Variants in ZBTB7C observed in about 807,000 individuals in gnomAD.
ZBTB7C encodes zinc finger and BTB domain-containing protein 7C.
Under a neutral mutation model 25.7 loss-of-function variants are expected in ZBTB7C, and 8 were observed. The observed-to-expected ratio is 0.31, with a 90% CI of 0.18 to 0.56. The LOEUF is 0.56. ZBTB7C is among the 20% of genes least tolerant of loss of function. The pLI is 0.91. For missense variants in ZBTB7C, 824 were observed against 855.2 expected (o/e 0.96, Z 0.46); for synonymous variants, 394 against 369.0 (o/e 1.07, Z -0.78).
In ZBTB7C at chr18:48,130,096, C is replaced by T. The variant is rs985719018; in HGVS notation, c.-17+55838G>A. Among the ~76,000 whole-genome samples, 3 of 152,242 alleles carry T rather than the reference C, an allele frequency of 2.0e-5. No homozygotes were observed. The East Asian group carries it at 5.8e-4, about 30-fold the overall frequency. ...AGGGTTAGGGGTGGAGTCGCCTTAC[C>T]TACGTGCTGTGAATGCAGGCCTCTC... On this transcript the variant is annotated intron_variant, in intron 3 of 4. Coordinates refer to ENST00000590800, the MANE Select transcript of ZBTB7C (RefSeq NM_001318841.2).
rs891814939 is a variant in ZBTB7C, at chr18:48,092,734, C to T, written c.-16-51611G>A. Among the ~76,000 whole-genome samples, 28 of 152,226 alleles carry T rather than the reference C, an allele frequency of 1.8e-4. 1 individual carries two copies. Among genetic ancestry groups the T allele is most frequent in the Non-Finnish European group, 1.5e-5 (1 of 68,050 alleles). ...TATGCAGATGAAAGGCCTTGACCCA[C>T]CTCGAAAGACTGGTGGAGAAGTGTA... On this transcript the variant is annotated intron_variant, in intron 3 of 4. Transcript: ENST00000590800.
chr18:48,061,573 T>C (rs1192893527), intron 3 of ZBTB7C, among the ~76,000 whole-genome samples: 1 of 152,220 alleles, frequency 6.6e-6, no homozygotes, highest in Non-Finnish European at 1.5e-5. Flanking sequence ...CATATATGTA[T>C]GGCCAGCTTT....
intron 4 of ZBTB7C, 101 bp from the exon 5 acceptor site, chr18:48,030,012 G>A: frequency 6.7e-7 from 1 of 1,500,660 alleles, no homozygotes; most frequent in Non-Finnish European, 9.0e-7. Context: ...GCTCCCTACT[G>A]CCATGGAGTC....
intron 3 of ZBTB7C, among the ~76,000 whole-genome samples, chr18:48,110,687 G>A (rs1490573537): frequency 2.0e-5 from 3 of 152,080 alleles, no homozygotes; most frequent in Non-Finnish European, 2.9e-5. Flanking sequence ...GCTACATCTC[G>A]CCAAGCAGCC....
rs2045565683 is a variant in ZBTB7C, at chr18:48,302,366, C to T, written c.-79+35808G>A. On this transcript the variant is annotated intron_variant, in intron 2 of 4. Coordinates refer to ENST00000590800, the MANE Select transcript of ZBTB7C (RefSeq NM_001318841.2). The stretch of plus-strand genomic sequence containing the variant: ...CACTAACTCAATCCCAGCCTTCAAG[C>T]GAGTCCACCTTCTCTCCCTTTTTAC... Among the ~76,000 whole-genome samples, 4 of 152,182 alleles carry T rather than the reference C, an allele frequency of 2.6e-5. No individual in the cohort carries two copies. The South Asian group carries it at 8.3e-4, about 32-fold the overall frequency.
At chr18:48,122,528 C>T (rs1048203815) in intron 3 of ZBTB7C, among the ~76,000 whole-genome samples, 2 of 152,112 alleles carry the variant, frequency 1.3e-5, no homozygotes, top group African/African-American at 4.8e-5. Flanking sequence ...TTCATGGTGC[C>T]AGATGGTTGC....
At chr18:48,282,705 T>C (rs1210635024) in intron 2 of ZBTB7C, among the ~76,000 whole-genome samples, 1 of 152,110 alleles carries the variant, frequency 6.6e-6, no homozygotes. Context: ...CATAGCAAAA[T>C]GAATGAATTC....
intron 2 of ZBTB7C, among the ~76,000 whole-genome samples, chr18:48,253,900 C>T (rs919181551): frequency 6.6e-6 from 1 of 152,110 alleles, no homozygotes; most frequent in Non-Finnish European, 1.5e-5. Context: ...AGATACTGAC[C>T]ACATGCATCC....
chr18:48,040,481 G>C lies in ZBTB7C; in HGVS notation c.627C>G (p.Asp209Glu). The change falls in exon 4 of 5, where the codon GAC becomes GAG. Residue 209 changes from aspartate to glutamate, a missense_variant. By Grantham distance (45) the Asp-to-Glu change is conservative. Coordinates refer to ENST00000590800, the MANE Select transcript of ZBTB7C (RefSeq NM_001318841.2). ...AYSDTPRDFP[D>E]SFQAGSPGHL... is the part of the protein sequence containing the mutation. ...GGCCAGGACTGCCAGCCTGGAAGGAGTCAGGGAAGTCCCTGGGGGTGTCTG... is the reference window on the plus strand; with the variant it reads ...GGCCAGGACTGCCAGCCTGGAAGGACTCAGGGAAGTCCCTGGGGGTGTCTG... 2.5e-6 allele frequency: 4 copies of C among 1,611,118 alleles called. No individual in the cohort carries two copies. Among genetic ancestry groups the C allele is most frequent in the Non-Finnish European group, 3.4e-6 (4 of 1,178,340 alleles).
At chr18:48,136,072 C>T (rs1002298328) in intron 3 of ZBTB7C, among the ~76,000 whole-genome samples, 1 of 151,952 alleles carries the variant, frequency 6.6e-6, no homozygotes, top group Non-Finnish European at 1.5e-5. Context: ...ATGCTCCGCG[C>T]GGGGTGGGCG....
chr18:48,382,991 T>G (rs2047666771), intron 1 of ZBTB7C, among the ~76,000 whole-genome samples: 1 of 152,166 alleles, frequency 6.6e-6, no homozygotes, highest in Admixed American at 6.5e-5. Flanking sequence ...AAATTTGGCG[T>G]GATATTTTCT....
At chr18:48,035,140 T>G (rs1011571824) in intron 4 of ZBTB7C, among the ~76,000 whole-genome samples, 1 of 152,028 alleles carries the variant, frequency 6.6e-6, no homozygotes, top group African/African-American at 2.4e-5. Flanking sequence ...CAGGCAGCTG[T>G]GGGGGCACAA....
chr18:48,265,350 G>T (rs2044281144), intron 2 of ZBTB7C, among the ~76,000 whole-genome samples: 2 of 152,128 alleles, frequency 1.3e-5, no homozygotes, highest in South Asian at 4.1e-4. Context: ...TCTCTTTAGT[G>T]CCTGGCTATG....
chr18:48,057,240 T>C (rs1489937792), intron 3 of ZBTB7C, among the ~76,000 whole-genome samples: 2 of 152,198 alleles, frequency 1.3e-5, no homozygotes, highest in African/African-American at 2.4e-5. Flanking sequence ...ATTACCCTTA[T>C]AGATATATAT....
rs1002990025 is a variant in ZBTB7C at position 48,401,872 on chromosome 18, C to A, written c.-304+7354G>T. Reference sequence around the variant, plus strand: ...GGCCTCACCTCCTCCAAAAACCCATCAAAATTCTTAAGTCAGAGAATCATT... The same window carrying A: ...GGCCTCACCTCCTCCAAAAACCCATAAAAATTCTTAAGTCAGAGAATCATT... On this transcript the variant is annotated intron_variant, in intron 1 of 4. Transcript: ENST00000590800. 2.6e-5 allele frequency among the ~76,000 whole-genome samples: 4 copies of A among 152,232 alleles called. No homozygotes were observed. The East Asian group carries it at 7.7e-4, about 29-fold the overall frequency.
intron 2 of ZBTB7C, among the ~76,000 whole-genome samples, chr18:48,197,002 A>G (rs2042333575): frequency 6.6e-6 from 1 of 152,222 alleles, no homozygotes; most frequent in African/African-American, 2.4e-5. Context: ...GGTTGGCTTA[A>G]GTGAATCAGC....
intron 3 of ZBTB7C, chr18:48,137,008 T>G (rs1049216380): frequency 2.0e-6 from 2 of 982,450 alleles, no homozygotes; most frequent in Non-Finnish European, 2.4e-6. Context: ...CAGACCCACC[T>G]GGCCGCCCCG....
In ZBTB7C at chr18:48,403,833, AT is replaced by A. The variant is rs2048216684; in HGVS notation, c.-304+5392del. Among the ~76,000 whole-genome samples, 4 of 152,234 alleles carry A rather than the reference AT, an allele frequency of 2.6e-5. No individual in the cohort carries two copies. In the South Asian group the frequency reaches 8.3e-4, roughly 32 times the overall value. Reference sequence around the variant, plus strand: ...CCCCAAAAACCTATGAAATAAAAAAATTAAAATAAAAAGGGCCCCTGAAGCA... The same window carrying A: ...CCCCAAAAACCTATGAAATAAAAAAATAAAATAAAAAGGGCCCCTGAAGCA... On this transcript the variant is annotated intron_variant, in intron 1 of 4. Transcript: ENST00000590800.
chr18:48,370,898 G>C (rs1292535865), intron 1 of ZBTB7C, among the ~76,000 whole-genome samples: 1 of 152,126 alleles, frequency 6.6e-6, no homozygotes, highest in Non-Finnish European at 1.5e-5. Context: ...ATCTTCCACA[G>C]TGTGATTCTT....
Sources: allele counts gnomAD v4.1 joint callset (sites outside exome capture counted in the v4.1 genomes callset), GRCh38; gene constraint gnomAD v4.1.1; transcripts MANE v1.5; gene names NCBI Gene and HGNC (gene_info 2026-07-23, HGNC 2026-07-21).